The following MYO6 variants were observed in gnomAD, a reference collection of about 807,000 sequenced individuals.
MYO6 encodes the protein myosin VI.
MYO6 carries 74 observed loss-of-function variants against 178.7 expected under a neutral mutation model. The ratio of observed to expected loss-of-function variants is 0.41; its 90% CI spans 0.34 to 0.50. The LOEUF is 0.50. Among genes scored for constraint, MYO6 ranks in the 20% least tolerant of loss-of-function variants. MYO6 has a pLI of 0.09. For synonymous variants in MYO6, 477 were observed against 504.6 expected (o/e 0.95, Z 0.73); for missense variants, 1,330 against 1,547.4 (o/e 0.86, Z 2.36).
At chr6:75,833,388 G>C (rs930666471) in intron 6 of MYO6, among the ~76,000 whole-genome samples, 2 of 152,184 alleles carry the variant, frequency 1.3e-5, no homozygotes, top group East Asian at 3.8e-4. Flanking sequence ...TATTCACGTT[G>C]TTGTGCAGCC....
chr6:75,854,201 G>A (rs935195157), intron 11 of MYO6, among the ~76,000 whole-genome samples: 1 of 147,922 alleles, frequency 6.8e-6, no homozygotes, highest in East Asian at 2.0e-4. Context: ...AAATAAAATG[G>A]CACACGTGCA....
intron 1 of MYO6, among the ~76,000 whole-genome samples, chr6:75,787,732 A>C (rs2748962): frequency 4.3e-3 from 171 of 39,964 alleles, no homozygotes; most frequent in Non-Finnish European, 5.9e-3. Flanking sequence ...CTCTCTCTCT[A>C]TATATATATA....
Position 75,848,486 on chromosome 6 carries a change from C to G in MYO6, c.1033C>G (p.Leu345Val). 1 of 1,613,762 alleles carries G rather than the reference C, an allele frequency of 6.2e-7. No homozygotes were observed. Among genetic ancestry groups the G allele is most frequent in the Non-Finnish European group, 8.5e-7 (1 of 1,179,816 alleles). The part of the protein sequence containing the change: ...LDLFRVVAGV[L>V]HLGNIDFEEA... Reference sequence around the variant, plus strand: ...TCTCTTCCGGGTAGTAGCTGGCGTCCTGCACCTTGGAAATATTGATTTTGA... The same window carrying G: ...TCTCTTCCGGGTAGTAGCTGGCGTCGTGCACCTTGGAAATATTGATTTTGA... The change falls in exon 11 of 35, where the codon CTG (leucine) becomes GTG (valine). Residue 345 changes from leucine to valine, a missense_variant. Leu to Val is a conservative substitution (Grantham distance 32). Transcript: ENST00000369977.
At chr6:75,797,394 G>T (rs1287477376) in intron 1 of MYO6, among the ~76,000 whole-genome samples, 1 of 152,090 alleles carries the variant, frequency 6.6e-6, no homozygotes. Flanking sequence ...CGTCCAGTGT[G>T]TGTATTTATT....
At chr6:75,850,349 T>C (rs1458087902) in intron 11 of MYO6, among the ~76,000 whole-genome samples, 1 of 152,212 alleles carries the variant, frequency 6.6e-6, no homozygotes, top group Admixed American at 6.5e-5. Flanking sequence ...AATTGTAATC[T>C]GTATATCATA....
At chr6:75,855,044 G>T (rs1009716640) in intron 11 of MYO6, 95 bp from the exon 12 acceptor site, 6 of 1,159,638 alleles carry the variant, frequency 5.2e-6, no homozygotes, top group Admixed American at 2.1e-5. Flanking sequence ...CTATTATATG[G>T]TTTTTTGTAA....
At chr6:75,887,949 A>G (rs567534116) in intron 25 of MYO6, among the ~76,000 whole-genome samples, 1 of 150,784 alleles carries the variant, frequency 6.6e-6, no homozygotes, top group South Asian at 2.1e-4. Flanking sequence ...ACTGCACTCC[A>G]GCCTGGGTGA....
intron 26 of MYO6, 138 bp from the exon 27 acceptor site, chr6:75,891,090 G>A (rs1254385483): frequency 2.4e-5 from 13 of 537,786 alleles, no homozygotes; most frequent in African/African-American, 3.9e-5. Flanking sequence ...TTCAAAATAA[G>A]TTGATGTATG....
At chr6:75,753,455 G>GTGTATATA (rs370647728) in intron 1 of MYO6, among the ~76,000 whole-genome samples, 11 of 140,042 alleles carry the variant, frequency 7.9e-5, no homozygotes, top group African/African-American at 2.7e-4. Flanking sequence ...GTGTGTGTGT[G>GTGTATATA]TATATATATA....
At chr6:75,804,990 T>C (rs1394734031) in intron 1 of MYO6, among the ~76,000 whole-genome samples, 2 of 125,432 alleles carry the variant, frequency 1.6e-5, no homozygotes, top group African/African-American at 3.4e-5. Flanking sequence ...CACATATATA[T>C]ATACACACAC....
At chr6:75,906,473 C>T (rs1000265391) in intron 30 of MYO6, among the ~76,000 whole-genome samples, 1 of 151,946 alleles carries the variant, frequency 6.6e-6, no homozygotes, top group African/African-American at 2.4e-5. Flanking sequence ...CTCAGGAGTT[C>T]GAGACCAGCC....
In MYO6 at chr6:75,856,359, A is replaced by G. The variant is rs985491270; in HGVS notation, c.1224-738A>G. The stretch of plus-strand genomic sequence containing the variant: ...TGTACTCTATATATAGCGTGTCCAC[A>G]TGAAACTTCAAGAAAGGGTTCCATT... On this transcript the variant is annotated intron_variant, in intron 12 of 34. Transcript: ENST00000369977. 2.0e-5 allele frequency among the ~76,000 whole-genome samples: 3 copies of G among 152,288 alleles called. No homozygotes were observed. In the East Asian group the frequency reaches 5.8e-4, roughly 29 times the overall value.
chr6:75,884,245 G>A (rs1472192304), intron 23 of MYO6, among the ~76,000 whole-genome samples: 1 of 152,202 alleles, frequency 6.6e-6, no homozygotes, highest in Non-Finnish European at 1.5e-5. Context: ...AGTAACTGAA[G>A]TTAAGTAGAT....
chr6:75,801,075 G>C (rs1337888800), intron 1 of MYO6, among the ~76,000 whole-genome samples: 2 of 152,080 alleles, frequency 1.3e-5, no homozygotes, highest in Non-Finnish European at 2.9e-5. Context: ...TTAGCCATAT[G>C]GATAATGTTT....
intron 12 of MYO6, among the ~76,000 whole-genome samples, chr6:75,855,937 G>A (rs114104950): frequency 1.1e-3 from 173 of 152,280 alleles, no homozygotes; most frequent in African/African-American, 3.2e-3. Flanking sequence ...TAGGCAGTGA[G>A]CTCTAGTGAC....
chr6:75,768,922 G>A (rs1350280378), intron 1 of MYO6, among the ~76,000 whole-genome samples: 1 of 152,194 alleles, frequency 6.6e-6, no homozygotes, highest in East Asian at 1.9e-4. Context: ...TCTGCTTCTG[G>A]TGAGGGCCTC....
chr6:75,751,548 C>T (rs907614832), intron 1 of MYO6, among the ~76,000 whole-genome samples: 4 of 151,968 alleles, frequency 2.6e-5, no homozygotes, highest in Admixed American at 6.6e-5. Flanking sequence ...AACAAAAGAT[C>T]GTAAATCATA....
At chr6:75,884,849 C>A (rs527713535) in intron 23 of MYO6, among the ~76,000 whole-genome samples, 1 of 152,208 alleles carries the variant, frequency 6.6e-6, no homozygotes, top group Non-Finnish European at 1.5e-5. Context: ...TTAGGTGTTA[C>A]AACTGTGATG....
intron 32 of MYO6, among the ~76,000 whole-genome samples, chr6:75,910,335 A>C (rs946641455): frequency 2.6e-5 from 4 of 152,154 alleles, no homozygotes; most frequent in African/African-American, 9.7e-5. Flanking sequence ...ACACTTCTTA[A>C]AAAGAGGTTC....
Sources: allele counts gnomAD v4.1 joint callset (sites outside exome capture counted in the v4.1 genomes callset), GRCh38; gene constraint gnomAD v4.1.1; transcripts MANE v1.5; gene names NCBI Gene and HGNC (gene_info 2026-07-23, HGNC 2026-07-21).